Variants in MOXD1 observed in about 807,000 individuals in gnomAD.
MOXD1 encodes monooxygenase DBH like 1.
A neutral mutation model predicts 66.6 loss-of-function variants in MOXD1; 62 were observed. The ratio of observed to expected loss-of-function variants is 0.93; its 90% CI spans 0.76 to 1.15. The LOEUF is 1.15. Among genes scored for constraint, MOXD1 ranks in the 50% most tolerant of loss-of-function variants. The pLI is 0.00. For synonymous variants in MOXD1, 303 were observed against 281.9 expected, an observed-to-expected ratio of 1.07 and a Z score of -0.75; for missense variants, 847 against 754.6, an observed-to-expected ratio of 1.12 and a Z score of -1.44.
At chr6:132,316,448 C>T (rs1774961729) in intron 9 of MOXD1, among the ~76,000 whole-genome samples, 1 of 151,874 alleles carries the variant, frequency 6.6e-6, no homozygotes, top group Admixed American at 6.6e-5. Context: ...TTCAATAAAG[C>T]CGTTTTACAA....
At chr6:132,396,641 C>T (rs1294705290) in intron 1 of MOXD1, among the ~76,000 whole-genome samples, 1 of 150,922 alleles carries the variant, frequency 6.6e-6, no homozygotes, top group African/African-American at 2.4e-5. Context: ...CTAGAATAAC[C>T]AAGAAAAAAA....
intron 4 of MOXD1, among the ~76,000 whole-genome samples, chr6:132,345,553 C>T (rs1775652320): frequency 6.6e-6 from 1 of 152,140 alleles, no homozygotes; most frequent in South Asian, 2.1e-4. Context: ...TCCTTGAAAA[C>T]TACATTCATT....
At chr6:132,340,708 G>GCGAT (rs1431153765) in intron 4 of MOXD1, among the ~76,000 whole-genome samples, 1 of 139,502 alleles carries the variant, frequency 7.2e-6, no homozygotes, top group Non-Finnish European at 1.5e-5. Flanking sequence ...GTGCAGTGGC[G>GCGAT]CGATCTCTGC....
At chr6:132,366,320 T>G (rs1049485159) in intron 4 of MOXD1, among the ~76,000 whole-genome samples, 4 of 152,046 alleles carry the variant, frequency 2.6e-5, no homozygotes, top group African/African-American at 9.7e-5. Context: ...ATTCTAGAGT[T>G]GGAATGGATA....
intron 1 of MOXD1, among the ~76,000 whole-genome samples, chr6:132,390,258 C>A (rs546141576): frequency 2.6e-5 from 4 of 151,588 alleles, no homozygotes; most frequent in African/African-American, 7.2e-5. Context: ...CTACTGAGTT[C>A]TTTGATGCCT....
At chr6:132,332,463 G>A (rs1344356370) in intron 4 of MOXD1, among the ~76,000 whole-genome samples, 1 of 152,080 alleles carries the variant, frequency 6.6e-6, no homozygotes, top group African/African-American at 2.4e-5. Flanking sequence ...TAATATGGGA[G>A]AAAAAATTAC....
intron 1 of MOXD1, among the ~76,000 whole-genome samples, chr6:132,379,256 A>G (rs1036465835): frequency 6.6e-6 from 1 of 152,156 alleles, no homozygotes; most frequent in African/African-American, 2.4e-5. Context: ...TCTAAAAAAG[A>G]AAAACCATAT....
intron 4 of MOXD1, among the ~76,000 whole-genome samples, chr6:132,361,614 T>C (rs1306906660): frequency 6.6e-6 from 1 of 152,160 alleles, no homozygotes; most frequent in Non-Finnish European, 1.5e-5. Context: ...AGAGGGTTTA[T>C]ATCAGAGTCA....
intron 4 of MOXD1, among the ~76,000 whole-genome samples, chr6:132,333,812 G>A (rs1380192198): frequency 6.6e-6 from 1 of 152,202 alleles, no homozygotes; most frequent in Non-Finnish European, 1.5e-5. Flanking sequence ...GGGCCTGGCA[G>A]CCGTGGGTTA....
chr6:132,321,796 C>T (rs1045758369), intron 8 of MOXD1, among the ~76,000 whole-genome samples: 1 of 152,184 alleles, frequency 6.6e-6, no homozygotes, highest in Non-Finnish European at 1.5e-5. Context: ...ATTTCTCAAA[C>T]TTCTTTCTAC....
intron 10 of MOXD1, among the ~76,000 whole-genome samples, chr6:132,298,827 T>C (rs893802604): frequency 3.9e-5 from 6 of 152,102 alleles, no homozygotes; most frequent in Admixed American, 2.6e-4. Context: ...TTGGTGGGGA[T>C]GTAAATTAGT....
rs1032479150 is a variant in MOXD1, at chr6:132,388,702, G to T, written c.264+12461C>A. Reference sequence around the variant, plus strand: ...CTGGAGAATTTTTCAGAATAAAAAGGGGGTCCATTTTGTTACTGTTAATTC... The same window carrying T: ...CTGGAGAATTTTTCAGAATAAAAAGTGGGTCCATTTTGTTACTGTTAATTC... On this transcript the variant is annotated intron_variant, in intron 1 of 11. Transcript: ENST00000367963. Among the ~76,000 whole-genome samples the T allele has an allele frequency of 9.9e-5, 15 of 151,324 alleles. 1 individual carries two copies. Among genetic ancestry groups the T allele is most frequent in the Non-Finnish European group, 1.5e-4 (10 of 67,708 alleles).
At chr6:132,371,329 G>C (rs1776258740) in intron 4 of MOXD1, among the ~76,000 whole-genome samples, 1 of 152,034 alleles carries the variant, frequency 6.6e-6, no homozygotes, top group South Asian at 2.1e-4. Context: ...ATTGCACAGA[G>C]GTAAATGATT....
At chr6:132,370,842 T>C (rs915105294) in intron 4 of MOXD1, among the ~76,000 whole-genome samples, 7 of 152,258 alleles carry the variant, frequency 4.6e-5, no homozygotes, top group Admixed American at 2.6e-4. Flanking sequence ...ACGCTTCTTA[T>C]AGGAAAGTTT....
chr6:132,378,334 T>A (rs968701914), intron 1 of MOXD1, among the ~76,000 whole-genome samples: 2 of 152,018 alleles, frequency 1.3e-5, no homozygotes, highest in Non-Finnish European at 2.9e-5. Flanking sequence ...AAACAAATAG[T>A]CTAAACCTTC....
At chr6:132,333,956 G>GCAAGAAAAGC (rs1421533893) in intron 4 of MOXD1, among the ~76,000 whole-genome samples, 1 of 152,192 alleles carries the variant, frequency 6.6e-6, no homozygotes, top group Non-Finnish European at 1.5e-5. Context: ...AGATACACTT[G>GCAAGAAAAGC]AGATATCTTA....
chr6:132,395,931 C>A (rs181167274), intron 1 of MOXD1, among the ~76,000 whole-genome samples: 1 of 152,184 alleles, frequency 6.6e-6, no homozygotes, highest in East Asian at 1.9e-4. Context: ...TGATAGACTC[C>A]AACACAGTAA....
At chr6:132,328,615 G>C (rs933147833) in intron 4 of MOXD1, 21 bp from the exon 5 acceptor site, 2 of 1,608,098 alleles carry the variant, frequency 1.2e-6, no homozygotes, top group Non-Finnish European at 1.7e-6. Context: ...ATAAATGAGA[G>C]GGAGGACACA....
Position 132,324,035 on chromosome 6 carries a change from C to T in MOXD1, c.1009G>A (p.Gly337Arg), listed in dbSNP as rs1291415188. ...ACCCAGAGGCCAGCCTCAATCACCC[C>T]AGCATCATATTTCCTTATATCCATT... ...YTMDIRKYDA[G>R]VIEAGLWVSL... Residue 337 changes from glycine to arginine, a missense_variant, in exon 7 of 12, where the codon GGG (glycine) becomes AGG (arginine). Physicochemically the swap from Gly to Arg is moderately radical, Grantham distance 125. Coordinates refer to ENST00000367963, the MANE Select transcript of MOXD1 (RefSeq NM_015529.4). The T allele has an allele frequency of 6.2e-7, 1 of 1,613,944 alleles. No homozygotes were observed. The highest frequency in any genetic ancestry group is 8.5e-7 in the Non-Finnish European group (1 of 1,179,890).
Sources: allele counts gnomAD v4.1 joint callset (sites outside exome capture counted in the v4.1 genomes callset), GRCh38; gene constraint gnomAD v4.1.1; transcripts MANE v1.5; gene names NCBI Gene and HGNC (gene_info 2026-07-23, HGNC 2026-07-21).